Variants in SPATA16 observed in about 807,000 individuals in gnomAD.
SPATA16 encodes the protein spermatogenesis associated 16, also known as spermatogenesis-associated protein 16.
In SPATA16, 36 loss-of-function variants were observed where a neutral mutation model predicts 63.3. That is an observed-to-expected ratio of 0.57 (90% CI 0.44 to 0.75). SPATA16 has a LOEUF of 0.75. Ranked by LOEUF, SPATA16 falls within the 30% of genes least tolerant of loss-of-function variation. SPATA16 has a pLI of 0.00. For synonymous variants in SPATA16, 203 were observed against 216.7 expected (o/e 0.94, Z 0.56); for missense variants, 646 against 679.3 (o/e 0.95, Z 0.54).
intron 2 of SPATA16, among the ~76,000 whole-genome samples, chr3:173,077,559 G>A (rs775543430): frequency 2.0e-5 from 3 of 152,236 alleles, no homozygotes; most frequent in South Asian, 4.1e-4. Flanking sequence ...TCCCAGAGCC[G>A]GTGGTGAGAT....
chr3:172,917,298 G>A (rs1732515651), intron 8 of SPATA16, among the ~76,000 whole-genome samples: 2 of 152,262 alleles, frequency 1.3e-5, no homozygotes, highest in Middle Eastern at 3.4e-3. Flanking sequence ...AAATTCTTAA[G>A]TTTATCTTTA....
chr3:173,078,704 C>G (rs1336017151), intron 2 of SPATA16, among the ~76,000 whole-genome samples: 3 of 152,160 alleles, frequency 2.0e-5, no homozygotes, highest in South Asian at 4.1e-4. Flanking sequence ...TCTCTTTTTA[C>G]TGCCAAGAAG....
chr3:173,133,609 G>A (rs1738444103), intron 1 of SPATA16, among the ~76,000 whole-genome samples: 1 of 152,072 alleles, frequency 6.6e-6, no homozygotes, highest in Non-Finnish European at 1.5e-5. Context: ...ATGCTATAGG[G>A]AACTAAGGAG....
intron 1 of SPATA16, among the ~76,000 whole-genome samples, chr3:173,135,435 AT>A (rs1035793186): frequency 6.6e-6 from 1 of 152,190 alleles, no homozygotes; most frequent in Non-Finnish European, 1.5e-5. Context: ...GTACTGGCAG[AT>A]TTTTTCCTAT....
At chr3:173,102,970 G>T (rs897660001) in intron 2 of SPATA16, among the ~76,000 whole-genome samples, 5 of 152,310 alleles carry the variant, frequency 3.3e-5, no homozygotes, top group Non-Finnish European at 4.4e-5. Flanking sequence ...ATAAAAGGGA[G>T]AAATCAGCCA....
At chr3:172,946,342 G>A (rs1442529693) in intron 6 of SPATA16, among the ~76,000 whole-genome samples, 1 of 152,164 alleles carries the variant, frequency 6.6e-6, no homozygotes, top group African/African-American at 2.4e-5. Flanking sequence ...AGAGTAAAGG[G>A]AACTCTGTTT....
rs1345466539 is a variant in SPATA16, at chr3:172,913,648, C to T, written c.1587+13G>A. 4 of 1,611,942 alleles carry T rather than the reference C, an allele frequency of 2.5e-6. No individual in the cohort carries two copies. The South Asian group carries it at 3.3e-5, about 13-fold the overall frequency. On this transcript the variant is annotated intron_variant, in intron 10 of 10. Transcript: ENST00000351008. ...AGAATAATAGATCTTTTTCCTTCAG[C>T]TCAAAGTTTTACCTTTTGGATCATA... is the stretch of plus-strand genomic sequence containing the variant.
In SPATA16 at chr3:173,073,417, T is replaced by C. The variant is rs184986548; in HGVS notation, c.613-24323A>G. ...GAAGGCCTAGGAGGAAAAATGGTTT[T>C]ATGGGCTGGGCCCAGGGACACCCTG... On this transcript the variant is annotated intron_variant, in intron 2 of 10. Transcript: ENST00000351008. Among the ~76,000 whole-genome samples the C allele has an allele frequency of 2.2e-3, 334 of 152,338 alleles. 4 individuals carry two copies. Among genetic ancestry groups the C allele is most frequent in the African/African-American group, 7.6e-3 (315 of 41,572 alleles).
At chr3:173,011,008 CA>C (rs1202476643) in intron 4 of SPATA16, among the ~76,000 whole-genome samples, 1 of 151,956 alleles carries the variant, frequency 6.6e-6, no homozygotes, top group African/African-American at 2.4e-5. Flanking sequence ...ACCAAATATA[CA>C]AAGAAGAGCT....
At chr3:173,086,642 G>C (rs1177745684) in intron 2 of SPATA16, among the ~76,000 whole-genome samples, 1 of 151,986 alleles carries the variant, frequency 6.6e-6, no homozygotes, top group Non-Finnish European at 1.5e-5. Flanking sequence ...ATGTCAATTT[G>C]AGACCTTTCT....
chr3:173,080,637 G>T (rs1294861909), intron 2 of SPATA16, among the ~76,000 whole-genome samples: 1 of 152,128 alleles, frequency 6.6e-6, no homozygotes, highest in African/African-American at 2.4e-5. Context: ...TATATTTGAT[G>T]ACTAATGGAA....
intron 5 of SPATA16, among the ~76,000 whole-genome samples, chr3:172,967,148 A>G (rs1461241447): frequency 1.3e-5 from 2 of 152,220 alleles, no homozygotes; most frequent in Admixed American, 6.5e-5. Flanking sequence ...TAAATTTGTT[A>G]AAGTAAAGAA....
intron 5 of SPATA16, 43 bp from the exon 6 acceptor site, chr3:172,956,867 A>G (rs547922321): frequency 1.9e-6 from 3 of 1,609,686 alleles, no homozygotes; most frequent in African/African-American, 1.3e-5. Flanking sequence ...ATAACAATAT[A>G]TGACTTTTTA....
chr3:173,117,793 A>T, intron 1 of SPATA16, 44 bp from the exon 2 acceptor site: 1 of 1,612,906 alleles, frequency 6.2e-7, no homozygotes, highest in Non-Finnish European at 8.5e-7. Context: ...CAATATTTTG[A>T]ATTCCAGTGG....
intron 1 of SPATA16, among the ~76,000 whole-genome samples, chr3:173,119,638 A>G (rs537137866): frequency 3.9e-5 from 6 of 152,342 alleles, no homozygotes; most frequent in African/African-American, 1.4e-4. Context: ...TTGTGTTTCT[A>G]TAGGATAAAA....
chr3:173,050,454 A>C (rs368567343), intron 2 of SPATA16, among the ~76,000 whole-genome samples: 1 of 152,138 alleles, frequency 6.6e-6, no homozygotes, highest in African/African-American at 2.4e-5. Flanking sequence ...CTGAGCATCT[A>C]CTATCTGCCA....
At chr3:173,013,519 A>G (rs565361452) in intron 4 of SPATA16, among the ~76,000 whole-genome samples, 14 of 152,342 alleles carry the variant, frequency 9.2e-5, no homozygotes, top group African/African-American at 3.4e-4. Flanking sequence ...CACACTTTAC[A>G]AAAGGGGGTG....
chr3:172,987,043 A>C (rs887805166), intron 4 of SPATA16, among the ~76,000 whole-genome samples: 5 of 152,206 alleles, frequency 3.3e-5, no homozygotes, highest in African/African-American at 1.2e-4. Context: ...GTGGGCTTTC[A>C]TAGAGGAAGA....
At chr3:172,914,218 G>A (rs1338259198) in intron 9 of SPATA16, among the ~76,000 whole-genome samples, 1 of 151,894 alleles carries the variant, frequency 6.6e-6, no homozygotes, top group Non-Finnish European at 1.5e-5. Flanking sequence ...TTCTTTTACT[G>A]TTTTTTTCTT....
Sources: gnomAD v4.1 joint callset for allele counts (sites outside exome capture counted in the v4.1 genomes callset) on GRCh38, gnomAD v4.1.1 for gene constraint, MANE v1.5 for transcripts, NCBI Gene and HGNC (gene_info 2026-07-23, HGNC 2026-07-21) for gene names.